The following PDZD2 variants were observed in gnomAD, a reference collection of about 807,000 sequenced individuals.
PDZD2 encodes PDZ domain-containing protein 2.
PDZD2 carries 90 observed loss-of-function variants against 220.7 expected under a neutral mutation model. The ratio of observed to expected loss-of-function variants is 0.41; its 90% CI spans 0.34 to 0.49. The LOEUF (loss-of-function observed/expected upper bound fraction) is 0.49. Among genes scored for constraint, PDZD2 ranks in the 20% least tolerant of loss-of-function variants. The pLI is 0.28. For synonymous variants in PDZD2, 1,375 were observed against 1,450.5 expected, an observed-to-expected ratio of 0.95 and a Z score of 1.18; for missense variants, 3,174 against 3,608.5, an observed-to-expected ratio of 0.88 and a Z score of 3.08.
chr5:31,694,071 C>T (rs1317257579), intron 1 of PDZD2, among the ~76,000 whole-genome samples: 1 of 152,126 alleles, frequency 6.6e-6, no homozygotes, highest in Non-Finnish European at 1.5e-5. Flanking sequence ...TAAAATGCTT[C>T]GTAATCATGT....
intron 15 of PDZD2, 147 bp from the exon 16 acceptor site, chr5:32,071,236 AC>A: frequency 1.4e-6 from 1 of 691,852 alleles, no homozygotes; most frequent in Non-Finnish European, 2.6e-6. Context: ...GACTGCATGC[AC>A]GTCTAACCCT....
chr5:31,675,647 T>A (rs892437247), intron 1 of PDZD2, among the ~76,000 whole-genome samples: 3 of 152,222 alleles, frequency 2.0e-5, no homozygotes, highest in Non-Finnish European at 4.4e-5. Flanking sequence ...GCCCAATCGA[T>A]GTCTTACATT....
intron 1 of PDZD2, among the ~76,000 whole-genome samples, chr5:31,651,913 G>A (rs1035586720): frequency 6.6e-6 from 1 of 150,708 alleles, no homozygotes; most frequent in East Asian, 1.9e-4. Context: ...CACCCTCTCT[G>A]GGTTCAAGCA....
intron 6 of PDZD2, among the ~76,000 whole-genome samples, chr5:32,022,020 G>A (rs1460058634): frequency 1.3e-5 from 2 of 152,028 alleles, no homozygotes; most frequent in African/African-American, 2.4e-5. Flanking sequence ...GCTGGATGAC[G>A]GCCAGCCTGA....
chr5:32,071,564 C>A, intron 16 of PDZD2, 146 bp downstream of exon 16: 1 of 695,832 alleles, frequency 1.4e-6, no homozygotes. Flanking sequence ...CAACAATGCT[C>A]ATTTGAGAAT....
chr5:31,939,620 C>T (rs1746048293), intron 2 of PDZD2, among the ~76,000 whole-genome samples: 1 of 152,156 alleles, frequency 6.6e-6, no homozygotes, highest in South Asian at 2.1e-4. Flanking sequence ...CTTTTTGCTT[C>T]TGAGCCATGC....
chr5:32,088,835 G>C lies in PDZD2; in HGVS notation c.5387G>C (p.Arg1796Thr), dbSNP rs776013090. 6.2e-6 allele frequency: 10 copies of C among 1,614,102 alleles called. No homozygotes were observed. The East Asian group carries it at 2.2e-4, about 36-fold the overall frequency. The change falls in exon 20 of 25, where the codon AGG becomes ACG. Residue 1796 changes from arginine to threonine, a missense_variant. Arg to Thr is a moderately conservative substitution (Grantham distance 71). This residue lies in a region of PDZD2 where 1,861 missense variants were observed against 2,001.0 expected (regional missense o/e 0.93). Transcript: ENST00000438447. This position sits in a 1 kb window ranked among gnomAD's most constrained non-coding sequence, Gnocchi z 4.6. ...CAGAAACCAAAAATGATCGCTAGGA[G>C]GCCCATCATGGCCTGGTTTAAAGAA... ...LLQKPKMIAR[R>T]PIMAWFKEIN...
At chr5:31,802,391 C>G (rs977841875) in intron 2 of PDZD2, among the ~76,000 whole-genome samples, 1 of 152,188 alleles carries the variant, frequency 6.6e-6, no homozygotes, top group Admixed American at 6.5e-5. Context: ...CAGGCTCCGT[C>G]TCTGACTCCC....
chr5:32,007,891 C>G (rs1031344765), intron 5 of PDZD2, among the ~76,000 whole-genome samples: 1 of 152,150 alleles, frequency 6.6e-6, no homozygotes, highest in Non-Finnish European at 1.5e-5. Context: ...GCATTTGCAG[C>G]AAGGCCTTCA....
At chr5:32,002,529 C>A (rs1220306429) in intron 5 of PDZD2, among the ~76,000 whole-genome samples, 1 of 151,890 alleles carries the variant, frequency 6.6e-6, no homozygotes, top group Non-Finnish European at 1.5e-5. Context: ...ATTGTTTTGC[C>A]AGATGAAGTG....
chr5:31,826,550 C>T (rs1043485037), intron 2 of PDZD2, among the ~76,000 whole-genome samples: 1 of 151,900 alleles, frequency 6.6e-6, no homozygotes, highest in African/African-American at 2.4e-5. Context: ...GTGGCACGCA[C>T]CTGTATTCCC....
chr5:31,948,798 A>G (rs1336059167), intron 2 of PDZD2, among the ~76,000 whole-genome samples: 3 of 152,060 alleles, frequency 2.0e-5, no homozygotes, highest in African/African-American at 4.8e-5. Context: ...AGAACCACTT[A>G]TATATATAAA....
At chr5:31,957,078 C>G (rs2111662302) in intron 2 of PDZD2, among the ~76,000 whole-genome samples, 1 of 152,256 alleles carries the variant, frequency 6.6e-6, no homozygotes, top group Non-Finnish European at 1.5e-5. Context: ...AGGTGCAAAA[C>G]AGTTCTGATT....
intron 2 of PDZD2, 27 bp from the exon 3 acceptor site, chr5:31,983,128 T>C (rs1436504161): frequency 6.3e-7 from 1 of 1,596,704 alleles, no homozygotes; most frequent in Middle Eastern, 1.7e-4. Flanking sequence ...TGTGGGGTTC[T>C]AACTGGCACC....
chr5:31,849,290 G>C (rs1455325905), intron 2 of PDZD2, among the ~76,000 whole-genome samples: 2 of 152,070 alleles, frequency 1.3e-5, no homozygotes. Context: ...TAGGACTCCA[G>C]CATTTATTAG....
chr5:31,867,559 C>G (rs1316773519), intron 2 of PDZD2, among the ~76,000 whole-genome samples: 1 of 152,154 alleles, frequency 6.6e-6, no homozygotes, highest in East Asian at 1.9e-4. Flanking sequence ...TGGCCCTTCA[C>G]GGGTCTATAT....
At chr5:32,005,963 A>G (rs1234101123) in intron 5 of PDZD2, among the ~76,000 whole-genome samples, 1 of 152,140 alleles carries the variant, frequency 6.6e-6, no homozygotes, top group Non-Finnish European at 1.5e-5. Flanking sequence ...CCTGCCCAAC[A>G]TGGTGAAACC....
At chr5:31,643,551 A>G (rs1048817200) in intron 1 of PDZD2, among the ~76,000 whole-genome samples, 2 of 152,200 alleles carry the variant, frequency 1.3e-5, no homozygotes, top group African/African-American at 2.4e-5. Flanking sequence ...AACTTGCCCC[A>G]TTAGACAACC....
Position 31,983,167 on chromosome 5 carries a change from G to A in PDZD2, c.489G>A (p.Glu163=). ...VDVSGASYLA[E]QCWNGGFIYL... is the part of the protein sequence containing the mutation. ...CTGTCTGTTGCAGTTACCTGGCTGA[G>A]CAGTGCTGGAATGGCGGCTTTATCT... The change falls in exon 3 of 25, where the codon GAG becomes GAA. Residue 163 remains glutamate, a synonymous_variant. Transcript: ENST00000438447. 6.2e-7 allele frequency: 1 copy of A among 1,612,936 alleles called. No individual in the cohort carries two copies. The highest frequency in any genetic ancestry group is 8.5e-7 in the Non-Finnish European group (1 of 1,179,178).
Sources: allele counts gnomAD v4.1 joint callset (sites outside exome capture counted in the v4.1 genomes callset), GRCh38; gene constraint gnomAD v4.1.1; regional missense constraint gnomAD v4.1.1; non-coding constraint Gnocchi (gnomAD v3.1); transcripts MANE v1.5; gene names NCBI Gene and HGNC (gene_info 2026-07-23, HGNC 2026-07-21).